NCAM2: variants seen among roughly 807,000 people sequenced by gnomAD.
NCAM2 encodes neural cell adhesion molecule 2, also known as N-CAM-2.
NCAM2 carries 30 observed loss-of-function variants against 98.1 expected under a neutral mutation model. The ratio of observed to expected loss-of-function variants is 0.31; its 90% confidence interval spans 0.23 to 0.41. The LOEUF is 0.41. NCAM2 is among the 10% of genes least tolerant of loss of function. The pLI, the probability that NCAM2 is intolerant of heterozygous loss-of-function variation, is 1.00. For missense variants in NCAM2, 867 were observed against 1,005.8 expected, an observed-to-expected ratio of 0.86 and a Z score of 1.87; for synonymous variants, 368 against 342.4, an observed-to-expected ratio of 1.07 and a Z score of -0.83.
intron 12 of NCAM2, among the ~76,000 whole-genome samples, chr21:21,446,373 G>T: frequency 6.6e-6 from 1 of 151,922 alleles, no homozygotes; most frequent in East Asian, 1.9e-4. Flanking sequence ...TTGCATGTTG[G>T]CCTGTCTTGC....
At chr21:21,476,942 A>G (rs2146259998) in intron 14 of NCAM2, among the ~76,000 whole-genome samples, 1 of 151,928 alleles carries the variant, frequency 6.6e-6, no homozygotes, top group South Asian at 2.1e-4. Context: ...ATCATGTTTC[A>G]TTTTCCCATT....
intron 15 of NCAM2, among the ~76,000 whole-genome samples, chr21:21,490,867 T>C (rs1261044160): frequency 2.6e-5 from 4 of 151,880 alleles, no homozygotes; most frequent in East Asian, 1.9e-4. Context: ...CTCAACATAA[T>C]ATCCAGCACT....
At chr21:21,033,908 T>G (rs1036349713) in intron 1 of NCAM2, among the ~76,000 whole-genome samples, 3 of 152,164 alleles carry the variant, frequency 2.0e-5, no homozygotes, top group Non-Finnish European at 4.4e-5. Context: ...CGAAAGTATG[T>G]CAAAGTAATA....
intron 1 of NCAM2, among the ~76,000 whole-genome samples, chr21:21,123,848 C>CTGTTTTTTTTTTTTTTTTT (rs2066727865): frequency 1.2e-5 from 1 of 86,656 alleles, no homozygotes; most frequent in Non-Finnish European, 2.0e-5. Flanking sequence ...TTCTTGATTG[C>CTGTTTTTTTTTTTTTTTTT]TTTTTTTTTT....
intron 16 of NCAM2, among the ~76,000 whole-genome samples, chr21:21,524,711 A>T (rs977864074): frequency 6.6e-6 from 1 of 152,202 alleles, no homozygotes; most frequent in African/African-American, 2.4e-5. Flanking sequence ...AGCAGAATGC[A>T]TACACTTCTC....
chr21:21,220,787 G>C (rs990812061), intron 1 of NCAM2, among the ~76,000 whole-genome samples: 3 of 152,082 alleles, frequency 2.0e-5, no homozygotes, highest in African/African-American at 7.2e-5. Context: ...CTTAGATTCT[G>C]CATTTTTTAT....
intron 4 of NCAM2, among the ~76,000 whole-genome samples, chr21:21,290,931 T>A (rs1338909224): frequency 6.6e-6 from 1 of 151,850 alleles, no homozygotes; most frequent in African/African-American, 2.4e-5. Flanking sequence ...TACCATATCC[T>A]TTCCACGATC....
intron 8 of NCAM2, among the ~76,000 whole-genome samples, chr21:21,351,803 G>C (rs760829077): frequency 1.3e-5 from 2 of 152,194 alleles, no homozygotes; most frequent in Admixed American, 6.5e-5. Flanking sequence ...CCAGAGTGCA[G>C]TGGCACGATC....
intron 1 of NCAM2, among the ~76,000 whole-genome samples, chr21:21,187,888 A>G (rs1430483210): frequency 6.6e-6 from 1 of 152,230 alleles, no homozygotes. Context: ...CTGAACTTCT[A>G]GACTTCAAAC....
At chr21:21,194,700 A>T (rs1206252732) in intron 1 of NCAM2, among the ~76,000 whole-genome samples, 1 of 152,094 alleles carries the variant, frequency 6.6e-6, no homozygotes, top group Non-Finnish European at 1.5e-5. Context: ...TGTATTTTTA[A>T]ATTTTAAATA....
intron 5 of NCAM2, among the ~76,000 whole-genome samples, chr21:21,303,501 C>T (rs2073787867): frequency 6.6e-6 from 1 of 151,880 alleles, no homozygotes; most frequent in Non-Finnish European, 1.5e-5. Context: ...GAAGATTTCA[C>T]AATTTTCTTA....
intron 1 of NCAM2, among the ~76,000 whole-genome samples, chr21:21,047,802 GCTCTGATTTT>G: frequency 6.6e-6 from 1 of 152,052 alleles, no homozygotes; most frequent in Non-Finnish European, 1.5e-5. Context: ...TGAGAACTAA[GCTCTGATTTT>G]TTTCATCTTG....
intron 1 of NCAM2, among the ~76,000 whole-genome samples, chr21:21,105,495 A>T (rs1219193073): frequency 6.6e-6 from 1 of 152,092 alleles, no homozygotes; most frequent in Non-Finnish European, 1.5e-5. Context: ...AACTGGCCAT[A>T]AATATGGGTA....
At chr21:21,399,084 A>G (rs1032876888) in intron 9 of NCAM2, among the ~76,000 whole-genome samples, 15 of 152,208 alleles carry the variant, frequency 9.9e-5, no homozygotes, top group Admixed American at 9.8e-4. Context: ...TCTGAGTGTC[A>G]GTGAGGATCC....
At chr21:21,534,776 T>C in intron 17 of NCAM2, 120 bp downstream of exon 17, 5 of 1,050,118 alleles carry the variant, frequency 4.8e-6, no homozygotes, top group Non-Finnish European at 6.2e-6. Flanking sequence ...TGCTTTTACT[T>C]TTTTGATGAA....
chr21:21,439,363 A>G (rs952570564), intron 12 of NCAM2, among the ~76,000 whole-genome samples: 1 of 152,212 alleles, frequency 6.6e-6, no homozygotes, highest in African/African-American at 2.4e-5. Flanking sequence ...AGGTGATCCA[A>G]TCGCCTTAGC....
intron 1 of NCAM2, among the ~76,000 whole-genome samples, chr21:21,079,761 A>G (rs1029838649): frequency 1.3e-5 from 2 of 152,096 alleles, no homozygotes; most frequent in Non-Finnish European, 2.9e-5. Context: ...ATAAATTCCC[A>G]TCTCTATGAC....
At chr21:21,199,457 C>T (rs1468790691) in intron 1 of NCAM2, among the ~76,000 whole-genome samples, 1 of 152,128 alleles carries the variant, frequency 6.6e-6, no homozygotes, top group African/African-American at 2.4e-5. Context: ...GGAGAAAAAG[C>T]AGCTGAAGCT....
chr21:21,495,494 T>C (rs550895905), intron 15 of NCAM2, among the ~76,000 whole-genome samples: 2 of 152,132 alleles, frequency 1.3e-5, no homozygotes, highest in East Asian at 3.9e-4. Context: ...CGATTCTGCT[T>C]CCCTCCAATG....
Sources: allele counts gnomAD v4.1 joint callset (sites outside exome capture counted in the v4.1 genomes callset), GRCh38; gene constraint gnomAD v4.1.1; transcripts MANE v1.5; gene names NCBI Gene and HGNC (gene_info 2026-07-23, HGNC 2026-07-21).